TMEM114: variants seen among roughly 807,000 people sequenced by gnomAD.
TMEM114 encodes transmembrane protein 114, also known as claudin-26.
In TMEM114, 6 loss-of-function variants were observed where a neutral mutation model predicts 6.2. The ratio of observed to expected loss-of-function variants is 0.97; its 90% CI spans 0.53 to 1.91. The LOEUF (loss-of-function observed/expected upper bound fraction) is 1.91, where lower values mean the gene tolerates loss of function less well. TMEM114 is among the 40% of genes most tolerant of loss of function. TMEM114 has a pLI of 0.01. For synonymous variants in TMEM114, 104 were observed against 73.0 expected (o/e 1.42, Z -2.16); for missense variants, 218 against 158.3 (o/e 1.38, Z -2.02).
At chr16:8,560,031 C>G (rs768293389) in intron 2 of TMEM114, among the ~76,000 whole-genome samples, 22 of 152,178 alleles carry the variant, frequency 1.4e-4, no homozygotes, top group Non-Finnish European at 2.9e-4. Flanking sequence ...GGGTCTCACT[C>G]TGTTACCCAG....
chr16:8,566,837 T>A (rs1196877380), downstream of TMEM114, among the ~76,000 whole-genome samples: 1 of 150,034 alleles, frequency 6.7e-6, no homozygotes, highest in African/African-American at 2.5e-5. Flanking sequence ...CAAGAAGCCC[T>A]TTCTAATTGT....
At chr16:8,559,088 G>A (rs1344508620) in intron 2 of TMEM114, among the ~76,000 whole-genome samples, 1 of 151,638 alleles carries the variant, frequency 6.6e-6, no homozygotes, top group Admixed American at 6.6e-5. Context: ...TGTCACCCAG[G>A]CTGGAGTGCA....
chr16:8,577,534 G>A (rs1028566707), intron 2 of TMEM114, among the ~76,000 whole-genome samples: 2 of 151,746 alleles, frequency 1.3e-5, no homozygotes, highest in African/African-American at 4.8e-5. Context: ...CTGCAGGGTT[G>A]TTTTCCTGAT....
chr16:8,544,920 T>TTCTGTC (rs1900616315), intron 2 of TMEM114, among the ~76,000 whole-genome samples: 1 of 147,858 alleles, frequency 6.8e-6, no homozygotes. Context: ...CTCAACATCT[T>TTCTGTC]TCTCTCTCTC....
chr16:8,586,504 T>C (rs2141702863), intron 2 of TMEM114, among the ~76,000 whole-genome samples: 1 of 151,590 alleles, frequency 6.6e-6, no homozygotes, highest in African/African-American at 2.4e-5. Flanking sequence ...GGAATTCTTA[T>C]CATTCTTTTT....
chr16:8,555,732 T>A (rs1900988560), intron 2 of TMEM114, among the ~76,000 whole-genome samples: 1 of 152,164 alleles, frequency 6.6e-6, no homozygotes, highest in African/African-American at 2.4e-5. Flanking sequence ...CCTGGCAATA[T>A]CTGGAGACGT....
intron 2 of TMEM114, among the ~76,000 whole-genome samples, chr16:8,574,582 C>CTTCCTTCTTTCTTTCTTTCTTTCT (rs140621744): frequency 0.059 from 8,396 of 142,406 alleles, 349 homozygotes; most frequent in Non-Finnish European, 0.084. Flanking sequence ...TCCTTCCTTC[C>CTTCCTTCTTTCTTTCTTTCTTTCT]TTCTTTCTTT....
downstream of TMEM114, among the ~76,000 whole-genome samples, chr16:8,536,823 G>A (rs766476683): frequency 2.0e-5 from 3 of 152,246 alleles, no homozygotes; most frequent in East Asian, 3.9e-4. Flanking sequence ...AGTAGTAAAA[G>A]GCAGAGCAGG....
chr16:8,555,751 G>A (rs1005179713), intron 2 of TMEM114, among the ~76,000 whole-genome samples: 1 of 152,194 alleles, frequency 6.6e-6, no homozygotes, highest in African/African-American at 2.4e-5. Context: ...GTTTTTGGTT[G>A]TCATAATTGC....
intron 2 of TMEM114, among the ~76,000 whole-genome samples, chr16:8,558,919 A>G (rs951919263): frequency 3.6e-5 from 5 of 138,940 alleles, no homozygotes; most frequent in Non-Finnish European, 7.7e-5. Flanking sequence ...TTTTTTTTGT[A>G]TTTTTAGTAG....
downstream of TMEM114, among the ~76,000 whole-genome samples, chr16:8,569,330 G>A (rs908367541): frequency 3.9e-5 from 6 of 152,094 alleles, no homozygotes; most frequent in Non-Finnish European, 2.9e-5. Flanking sequence ...AGAGCAAAAG[G>A]AACTCCAGGC....
rs1160209573 is a variant in TMEM114 at position 8,589,729 on chromosome 16, G to A, written c.110C>T (p.Thr37Ile). 2.5e-6 allele frequency: 1 copy of A among 398,426 alleles called. No homozygotes were observed. Among genetic ancestry groups the A allele is most frequent in the Non-Finnish European group, 4.4e-6 (1 of 226,068 alleles). The allele number at this position is 398,426 out of a possible 1,614,324, so 24.7% of individuals were successfully genotyped here. ...IGTDFWYIID[T>I]ERLERTGPGA... ...CGGGCCAGTCCTCTCCAGCCGCTCG[G>A]TGTCAATGATATACCAGAAGTCCGT... Residue 37 changes from threonine (T) to isoleucine (I), a missense_variant, in exon 1 of 4, where the codon ACC becomes ATC. Physicochemically the swap from Thr to Ile is moderately conservative, Grantham distance 89. Coordinates refer to ENST00000620492, the MANE Select transcript of TMEM114 (RefSeq NM_001146336.2).
downstream of TMEM114, among the ~76,000 whole-genome samples, chr16:8,568,706 C>G (rs1308404821): frequency 6.6e-6 from 1 of 152,348 alleles, no homozygotes; most frequent in Admixed American, 6.5e-5. Flanking sequence ...CTCGGGCCCT[C>G]CCCTACATCT....
At chr16:8,549,414 C>A (rs951598522) in intron 2 of TMEM114, among the ~76,000 whole-genome samples, 1 of 149,876 alleles carries the variant, frequency 6.7e-6, no homozygotes, top group African/African-American at 2.5e-5. Flanking sequence ...GAAGGAGAAT[C>A]GCTTGAACCC....
chr16:8,576,701 G>A (rs1901940181), intron 2 of TMEM114, among the ~76,000 whole-genome samples: 1 of 139,842 alleles, frequency 7.2e-6, no homozygotes, highest in South Asian at 2.3e-4. Context: ...TAATGAATGA[G>A]AGCAGGAAGG....
intron 2 of TMEM114, among the ~76,000 whole-genome samples, chr16:8,539,815 T>A (rs1900466685): frequency 2.6e-5 from 4 of 152,188 alleles, no homozygotes; most frequent in Admixed American, 2.6e-4. Context: ...ATATGCTATT[T>A]TTTTAATTAT....
At chr16:8,588,505 A>G (rs1019983892) in intron 2 of TMEM114, among the ~76,000 whole-genome samples, 5 of 152,278 alleles carry the variant, frequency 3.3e-5, no homozygotes, top group South Asian at 4.1e-4. Context: ...TCAAGCCTCA[A>G]TGAATTGAAC....
chr16:8,534,248 G>GTGCAAA (rs1471692005), downstream of TMEM114, among the ~76,000 whole-genome samples: 1 of 152,018 alleles, frequency 6.6e-6, no homozygotes, highest in Non-Finnish European at 1.5e-5. Context: ...CAATTAATCT[G>GTGCAAA]TGCAAATGTA....
chr16:8,581,939 C>G (rs1346558726), intron 2 of TMEM114, among the ~76,000 whole-genome samples: 3 of 152,184 alleles, frequency 2.0e-5, no homozygotes, highest in Non-Finnish European at 2.9e-5. Context: ...ACTGAGAGTT[C>G]CTCCCTCCTG....
Sources: gnomAD v4.1 joint callset for allele counts (sites outside exome capture counted in the v4.1 genomes callset) on GRCh38, gnomAD v4.1.1 for gene constraint, MANE v1.5 for transcripts, NCBI Gene and HGNC (gene_info 2026-07-23, HGNC 2026-07-21) for gene names.